The following AOX1 variants were observed in gnomAD, a reference collection of about 807,000 sequenced individuals.
AOX1 encodes aldehyde oxidase.
A neutral mutation model predicts 169.5 loss-of-function variants in AOX1; 153 were observed. That is an observed-to-expected ratio of 0.90 (90% CI 0.79 to 1.03). AOX1 has a LOEUF of 1.03. AOX1 is among the 50% of genes least tolerant of loss of function. The probability of loss-of-function intolerance (pLI) is 0.00; values close to 1 mark genes in which losing one functional copy is unlikely to be tolerated. For missense variants in AOX1, 1,656 were observed against 1,663.9 expected, an observed-to-expected ratio of 1.00 and a Z score of 0.08; for synonymous variants, 562 against 581.9, an observed-to-expected ratio of 0.97 and a Z score of 0.49.
At chr2:200,664,394 G>T (rs2105773439) in intron 31 of AOX1, among the ~76,000 whole-genome samples, 1 of 152,264 alleles carries the variant, frequency 6.6e-6, no homozygotes, top group South Asian at 2.1e-4. Context: ...CAAAGTGCTG[G>T]GATTATAGGC....
downstream of AOX1, among the ~76,000 whole-genome samples, chr2:200,680,773 T>C (rs1054895040): frequency 2.0e-5 from 3 of 151,922 alleles, no homozygotes; most frequent in African/African-American, 7.3e-5. Context: ...CTCAAACTCC[T>C]GACCTCAGGT....
At chr2:200,647,136 A>G (rs56831091) in intron 25 of AOX1, among the ~76,000 whole-genome samples, 60,841 of 151,270 alleles carry the variant, frequency 0.4, 13,544 homozygotes, top group East Asian at 0.79. Context: ...TTTGTTTTTT[A>G]TTTTTTTGTT....
chr2:200,650,934 G>C lies in AOX1; in HGVS notation c.2848-40G>C, dbSNP rs772696629. 1.9e-6 allele frequency: 3 copies of C among 1,587,924 alleles called. No individual in the cohort carries two copies. In the Admixed American group the frequency reaches 5.0e-5, roughly 27 times the overall value. On this transcript the variant is annotated intron_variant, in intron 25 of 34. Coordinates refer to ENST00000374700, the MANE Select transcript of AOX1 (RefSeq NM_001159.4). ...GTGAATGGATGAGCCTATGTCTGCT[G>C]GGTTTCCCCTCCCAGCTTTAATCTC...
chr2:200,602,023 G>A (rs889118902), intron 5 of AOX1, among the ~76,000 whole-genome samples: 12 of 151,860 alleles, frequency 7.9e-5, no homozygotes, highest in Non-Finnish European at 1.2e-4. Context: ...AAATTATTGT[G>A]TTGTTTGAGC....
At chr2:200,629,796 A>G (rs1461764670) in intron 20 of AOX1, among the ~76,000 whole-genome samples, 1 of 152,228 alleles carries the variant, frequency 6.6e-6, no homozygotes, top group South Asian at 2.1e-4. Context: ...CAAGAATTCC[A>G]TTGTTGTATT....
intron 20 of AOX1, 44 bp downstream of exon 20, chr2:200,627,493 G>A (rs775255333): frequency 6.4e-6 from 9 of 1,406,828 alleles, no homozygotes; most frequent in South Asian, 1.2e-5. Flanking sequence ...AGTCTTCTAA[G>A]CATGTCAGTT....
At chr2:200,648,281 T>C (rs1399736246) in intron 25 of AOX1, among the ~76,000 whole-genome samples, 2 of 152,206 alleles carry the variant, frequency 1.3e-5, no homozygotes, top group African/African-American at 2.4e-5. Flanking sequence ...CCATGGAATG[T>C]TCCCTTGATG....
At chr2:200,592,667 C>A (rs1444789028) in intron 1 of AOX1, among the ~76,000 whole-genome samples, 1 of 152,122 alleles carries the variant, frequency 6.6e-6, no homozygotes, top group Non-Finnish European at 1.5e-5. Context: ...GGCTGGTTAT[C>A]TTTTACTGGA....
chr2:200,656,827 G>A lies in AOX1; in HGVS notation c.3076-15G>A, dbSNP rs532579438. The A allele has an allele frequency of 1.1e-5, 16 of 1,507,742 alleles. No homozygotes were observed. Among genetic ancestry groups the A allele is most frequent in the Admixed American group, 4.2e-5 (2 of 48,160 alleles). 93.4% of individuals were successfully genotyped at this position (1,507,742 alleles called of 1,614,324 possible). A position where few individuals can be genotyped will look rare whatever the true frequency, so the allele number is the denominator to read the frequency against. On this transcript the variant is annotated splice_polypyrimidine_tract_variant and intron_variant, in intron 26 of 34. Transcript: ENST00000374700. ...CAAAAAGATCACAGAAACAGTTTTC[G>A]TCTTTTCTGCTCAGGCTGCTGCCTT...
At position 200,613,951 on chromosome 2, in the gene AOX1, G is replaced by T; in HGVS notation, c.1596G>T (p.Gln532His). 2 of 1,611,542 alleles carry T rather than the reference G, an allele frequency of 1.2e-6. No individual in the cohort carries two copies. Among genetic ancestry groups the T allele is most frequent in the East Asian group, 2.2e-5 (1 of 44,868 alleles). Residue 532 changes from glutamine to histidine, a missense_variant, in exon 15 of 35, where the codon CAG (glutamine) becomes CAT (histidine). By Grantham distance (24) the Gln-to-His change is conservative (BLOSUM62 0). Coordinates refer to ENST00000374700, the MANE Select transcript of AOX1 (RefSeq NM_001159.4). Reference sequence around the variant, plus strand: ...TCAAGTTCTACCTGGAAGTGTCACAGATTTTGAAAAAGATGGTAAACAACT... The same window carrying T: ...TCAAGTTCTACCTGGAAGTGTCACATATTTTGAAAAAGATGGTAAACAACT... ...FLFKFYLEVSQILKKMDPVHY... is the reference protein window; with the variant it reads ...FLFKFYLEVSHILKKMDPVHY...
intron 1 of AOX1, among the ~76,000 whole-genome samples, chr2:200,586,973 A>T (rs1232573422): frequency 3.9e-5 from 6 of 152,150 alleles, no homozygotes; most frequent in Non-Finnish European, 8.8e-5. Context: ...TGAGGCAGGA[A>T]GGTTAAGGAG....
At chr2:200,589,828 C>T (rs1432556231) in intron 1 of AOX1, among the ~76,000 whole-genome samples, 1 of 152,168 alleles carries the variant, frequency 6.6e-6, no homozygotes. Context: ...TATTGGCTAG[C>T]ATTCTCTAAG....
At position 200,623,072 on chromosome 2, in the gene AOX1, A is replaced by G. The variant is rs538598036; in HGVS notation, c.2002-789A>G. Among the ~76,000 whole-genome samples the G allele has an allele frequency of 2.6e-5, 4 of 152,334 alleles. No homozygotes were observed. In the South Asian group the frequency reaches 8.3e-4, roughly 32 times the overall value. ...AAAACTACTTTATGTTCATTGTGGA[A>G]AAGACATAATAGTTCAAAGTCAATT... On this transcript the variant is annotated intron_variant, in intron 18 of 34. Coordinates refer to ENST00000374700, the MANE Select transcript of AOX1 (RefSeq NM_001159.4).
intron 5 of AOX1, among the ~76,000 whole-genome samples, chr2:200,600,010 T>C (rs1225675635): frequency 6.6e-6 from 1 of 152,202 alleles, no homozygotes; most frequent in African/African-American, 2.4e-5. Flanking sequence ...AAATACTATT[T>C]GAAGATTATC....
In AOX1 at chr2:200,605,633, G is replaced by C. The variant is rs201739752; in HGVS notation, c.907+5G>C. 2.8e-6 allele frequency: 4 copies of C among 1,416,792 alleles called. No homozygotes were observed. In the Admixed American group the frequency reaches 9.3e-5, roughly 33 times the overall value. 87.8% of individuals were successfully genotyped at this position (1,416,792 alleles called of 1,614,324 possible). A position where few individuals can be genotyped will look rare whatever the true frequency, so the allele number is the denominator to read the frequency against. ...TTGTAAACCATGCATATAATGGTGA[G>C]TTCTCAAGTCCCTGTTTTCTTAGTT... On this transcript the variant is annotated splice_donor_5th_base_variant and intron_variant, in intron 10 of 34. Transcript: ENST00000374700.
intron 23 of AOX1, among the ~76,000 whole-genome samples, chr2:200,638,818 G>A (rs1030821155): frequency 5.9e-5 from 9 of 152,128 alleles, no homozygotes; most frequent in Non-Finnish European, 1.2e-4. Flanking sequence ...TTACTTCTCA[G>A]AGTGGGCTAA....
intron 13 of AOX1, 113 bp downstream of exon 13, chr2:200,611,606 G>A (rs2034643027): frequency 2.8e-6 from 2 of 721,638 alleles, no homozygotes; most frequent in Non-Finnish European, 4.8e-6. Flanking sequence ...GGAGATAAAG[G>A]CTCAACTTCA....
intron 18 of AOX1, among the ~76,000 whole-genome samples, chr2:200,623,533 A>G (rs1175902561): frequency 6.6e-6 from 1 of 152,174 alleles, no homozygotes; most frequent in Non-Finnish European, 1.5e-5. Context: ...AACAGCTCTG[A>G]TTGTCGTGTG....
chr2:200,669,544 G>T, intron 33 of AOX1, 31 bp from the exon 34 acceptor site: 1 of 1,611,516 alleles, frequency 6.2e-7, no homozygotes. Flanking sequence ...AGAGAGAGAG[G>T]TATAATCTAG....
Sources: gnomAD v4.1 joint callset for allele counts (sites outside exome capture counted in the v4.1 genomes callset) on GRCh38, gnomAD v4.1.1 for gene constraint, MANE v1.5 for transcripts, NCBI Gene and HGNC (gene_info 2026-07-23, HGNC 2026-07-21) for gene names.